The following GPM6A variants were observed in gnomAD, a reference collection of about 807,000 sequenced individuals.
The protein encoded by GPM6A is neuronal membrane glycoprotein M6-a.
Under a neutral mutation model 32.1 loss-of-function variants are expected in GPM6A, and 7 were observed. That is an observed-to-expected ratio of 0.22 (90% CI 0.12 to 0.41). The LOEUF is 0.41. Among genes scored for constraint, GPM6A ranks in the 10% least tolerant of loss-of-function variants. The probability of loss-of-function intolerance (pLI) is 1.00; values close to 1 mark genes in which losing one functional copy is unlikely to be tolerated. For missense variants in GPM6A, 235 were observed against 347.2 expected, an observed-to-expected ratio of 0.68 and a Z score of 2.57; for synonymous variants, 130 against 123.4, an observed-to-expected ratio of 1.05 and a Z score of -0.35.
Position 175,633,343 on chromosome 4 carries a change from C to T in GPM6A, c.*1562G>A, listed in dbSNP as rs761021698. On this transcript the variant is annotated 3_prime_UTR_variant, in exon 7 of 7. Transcript: ENST00000393658. ...ACCCCAAATTAATTAAATAATACTA[C>T]GGAATGCATAATCATGCCACAGATA... 4 of 152,344 alleles carry T rather than the reference C, an allele frequency of 2.6e-5. No homozygotes were observed. Among genetic ancestry groups the T allele is most frequent in the Non-Finnish European group, 4.4e-5 (3 of 67,918 alleles). The allele number at this position is 152,344 out of a possible 1,614,324, so 9.4% of individuals were successfully genotyped here.
chr4:175,724,212 A>T (rs1305184270), intron 1 of GPM6A, among the ~76,000 whole-genome samples: 1 of 152,232 alleles, frequency 6.6e-6, no homozygotes, highest in Non-Finnish European at 1.5e-5. Flanking sequence ...GTGCAGAAAG[A>T]CAAATATCAT....
At chr4:175,658,693 T>A (rs1742227528) in intron 3 of GPM6A, among the ~76,000 whole-genome samples, 1 of 152,132 alleles carries the variant, frequency 6.6e-6, no homozygotes, top group Non-Finnish European at 1.5e-5. Flanking sequence ...ATGTAAGAAA[T>A]CCCTGTACTT....
intron 4 of GPM6A, among the ~76,000 whole-genome samples, chr4:175,646,283 T>A (rs1276794328): frequency 6.6e-6 from 1 of 152,214 alleles, no homozygotes; most frequent in African/African-American, 2.4e-5. Context: ...GAAATGAATA[T>A]AGTTCAGTAA....
intron 1 of GPM6A, among the ~76,000 whole-genome samples, chr4:175,997,959 C>T (rs2126472104): frequency 6.6e-6 from 1 of 152,264 alleles, no homozygotes; most frequent in Admixed American, 6.5e-5. Flanking sequence ...CCTTTCCCTC[C>T]CTGTCCCTCA....
At chr4:175,905,070 A>G (rs1738087645) in intron 1 of GPM6A, among the ~76,000 whole-genome samples, 1 of 152,224 alleles carries the variant, frequency 6.6e-6, no homozygotes, top group South Asian at 2.1e-4. Flanking sequence ...AAAAGCAGTT[A>G]AACCCAGGGA....
At chr4:175,890,190 A>T (rs1472915943) in intron 1 of GPM6A, among the ~76,000 whole-genome samples, 1 of 152,350 alleles carries the variant, frequency 6.6e-6, no homozygotes. Context: ...ACTCTGCAAC[A>T]ATGCAGGACA....
At chr4:175,965,759 A>G (rs59241836) in intron 1 of GPM6A, among the ~76,000 whole-genome samples, 8,087 of 151,944 alleles carry the variant, frequency 0.053, 540 homozygotes, top group African/African-American at 0.16. Flanking sequence ...GATTACAGGC[A>G]TGTGGTACCA....
rs770224749 is a variant in GPM6A at position 175,673,846 on chromosome 4, A to G, written c.231-10T>C. ...CTTAAAGATGTCAATCCTGAGAGAA[A>G]AGACAAAGTGATTTATTTCAATAAC... On this transcript the variant is annotated splice_polypyrimidine_tract_variant and intron_variant, in intron 2 of 6. Transcript: ENST00000393658. The G allele has an allele frequency of 6.4e-7, 1 of 1,574,308 alleles. No individual in the cohort carries two copies. Among genetic ancestry groups the G allele is most frequent in the African/African-American group, 1.3e-5 (1 of 74,492 alleles).
At chr4:175,897,552 C>G (rs1295490957) in intron 1 of GPM6A, among the ~76,000 whole-genome samples, 1 of 152,118 alleles carries the variant, frequency 6.6e-6, no homozygotes, top group Non-Finnish European at 1.5e-5. Flanking sequence ...GGATTCTACT[C>G]ATTTATTGCA....
At chr4:175,800,041 G>A (rs11133115) in intron 1 of GPM6A, among the ~76,000 whole-genome samples, 67,933 of 151,940 alleles carry the variant, frequency 0.45, 16,131 homozygotes, top group Non-Finnish European at 0.53. Flanking sequence ...GAATTATAAA[G>A]ATGTTTCAAA....
At chr4:175,644,185 G>T (rs1251316178) in intron 4 of GPM6A, among the ~76,000 whole-genome samples, 1 of 144,752 alleles carries the variant, frequency 6.9e-6, no homozygotes, top group East Asian at 2.1e-4. Context: ...CTGCAGTGGC[G>T]CTATCTCGGC....
At chr4:175,815,973 TC>T (rs1486931830), upstream of GPM6A, among the ~76,000 whole-genome samples, 1 of 152,084 alleles carries the variant, frequency 6.6e-6, no homozygotes, top group Non-Finnish European at 1.5e-5. Flanking sequence ...TACCTCGGCC[TC>T]CCAAAGTGCT....
rs75579394 is a variant in GPM6A, at chr4:175,929,722, G to C, written c.-23+72587C>G. Among the ~76,000 whole-genome samples, 788 of 152,204 alleles carry C rather than the reference G, an allele frequency of 5.2e-3. 8 individuals are homozygous for C. The highest frequency in any genetic ancestry group is 0.018 in the African/African-American group (751 of 41,540). ...TTGGGCATATTAGTTAATCCAATAG[G>C]TGTAAATATAAACAAAACAACACTC... On this transcript the variant is annotated intron_variant, in intron 1 of 7. Coordinates refer to the GPM6A transcript ENST00000280187.
intron 1 of GPM6A, among the ~76,000 whole-genome samples, chr4:175,884,286 T>G (rs1737379792): frequency 6.6e-6 from 1 of 152,250 alleles, no homozygotes; most frequent in Non-Finnish European, 1.5e-5. Flanking sequence ...TGTCTTCTTT[T>G]TCTTTCAACA....
intron 1 of GPM6A, among the ~76,000 whole-genome samples, chr4:175,936,512 A>G (rs1035785017): frequency 3.9e-5 from 6 of 152,014 alleles, no homozygotes; most frequent in African/African-American, 1.4e-4. Flanking sequence ...ATTGCATCTG[A>G]CACAAATCCT....
At chr4:176,001,779 G>T (rs190968931) in intron 1 of GPM6A, among the ~76,000 whole-genome samples, 2 of 152,288 alleles carry the variant, frequency 1.3e-5, no homozygotes, top group Admixed American at 1.3e-4. Context: ...TCCCCAGTCT[G>T]GCCCTGCACC....
At chr4:175,721,223 C>T (rs983241000) in intron 1 of GPM6A, among the ~76,000 whole-genome samples, 7 of 149,274 alleles carry the variant, frequency 4.7e-5, no homozygotes, top group African/African-American at 1.7e-4. Context: ...TGCCTGTAAT[C>T]CCAGCACTCT....
At chr4:175,920,691 T>C (rs894421107) in intron 1 of GPM6A, among the ~76,000 whole-genome samples, 9 of 151,872 alleles carry the variant, frequency 5.9e-5, no homozygotes, top group African/African-American at 1.2e-4. Context: ...TTACTAAAAA[T>C]GCAAAAAACT....
chr4:175,998,504 C>T (rs2126473031), intron 1 of GPM6A, among the ~76,000 whole-genome samples: 1 of 152,262 alleles, frequency 6.6e-6, no homozygotes, highest in South Asian at 2.1e-4. Flanking sequence ...AATTTCTTGT[C>T]CAAAACATGC....
Sources: gnomAD v4.1 joint callset for allele counts (sites outside exome capture counted in the v4.1 genomes callset) on GRCh38, gnomAD v4.1.1 for gene constraint, MANE v1.5 for transcripts, NCBI Gene and HGNC (gene_info 2026-07-23, HGNC 2026-07-21) for gene names.